The following MECOM variants were observed in gnomAD, a reference collection of about 807,000 sequenced individuals.
MECOM encodes MDS1 and EVI1 complex locus.
A neutral mutation model predicts 116.3 loss-of-function variants in MECOM; 13 were observed. The observed-to-expected ratio is 0.11, with a 90% CI of 0.07 to 0.18. The LOEUF is 0.18. Among genes scored for constraint, MECOM ranks in the 10% least tolerant of loss-of-function variants. The pLI is 1.00. For missense variants in MECOM, 1,299 were observed against 1,509.0 expected (o/e 0.86, Z 2.31); for synonymous variants, 528 against 535.2 (o/e 0.99, Z 0.19).
At chr3:169,359,334 CAG>C (rs927502450) in intron 2 of MECOM, among the ~76,000 whole-genome samples, 2 of 151,766 alleles carry the variant, frequency 1.3e-5, no homozygotes, top group Non-Finnish European at 2.9e-5. Flanking sequence ...AGATTCATAA[CAG>C]ATCTGTGGAG....
At chr3:169,434,080 A>G (rs566301483) in intron 1 of MECOM, among the ~76,000 whole-genome samples, 1 of 152,296 alleles carries the variant, frequency 6.6e-6, no homozygotes, top group Middle Eastern at 3.4e-3. Flanking sequence ...TATTTTTCAA[A>G]TTTAGTTTAT....
chr3:169,315,964 T>G (rs1719671902), intron 2 of MECOM, among the ~76,000 whole-genome samples: 1 of 152,216 alleles, frequency 6.6e-6, no homozygotes, highest in African/African-American at 2.4e-5. Flanking sequence ...ATAAAGTTAT[T>G]TGTTCTTTGG....
rs939648405 is a variant in MECOM at position 169,376,348 on chromosome 3, G to A, written c.375+4839C>T. On this transcript the variant is annotated intron_variant, in intron 2 of 16. Transcript: ENST00000651503. ...AGCCAGGGCAATCAGGCAAGAGAAA[G>A]AAATAAAGAGTATTCAAATAAGAAG... Among the ~76,000 whole-genome samples the A allele has an allele frequency of 7.9e-5, 12 of 152,260 alleles. No individual in the cohort carries two copies. In the East Asian group the frequency reaches 2.3e-3, roughly 29 times the overall value.
At chr3:169,469,122 A>T (rs1453423553) in intron 1 of MECOM, among the ~76,000 whole-genome samples, 1 of 152,326 alleles carries the variant, frequency 6.6e-6, no homozygotes, top group Non-Finnish European at 1.5e-5. Flanking sequence ...GAGCCAGATT[A>T]TAACAGAAGT....
chr3:169,149,119 G>C (rs1740693232), intron 2 of MECOM, among the ~76,000 whole-genome samples: 1 of 148,154 alleles, frequency 6.7e-6, no homozygotes, highest in Non-Finnish European at 1.5e-5. Context: ...AAATTGGACC[G>C]GCTCGAGCTA....
chr3:169,224,478 A>C (rs1049434090), intron 2 of MECOM, among the ~76,000 whole-genome samples: 2 of 152,036 alleles, frequency 1.3e-5, no homozygotes, highest in Non-Finnish European at 2.9e-5. Context: ...CAGCCCCAAC[A>C]CTTTCCCAGG....
intron 1 of MECOM, among the ~76,000 whole-genome samples, chr3:169,504,203 T>C (rs1047374194): frequency 7.9e-6 from 1 of 127,038 alleles, no homozygotes; most frequent in Non-Finnish European, 1.7e-5. Flanking sequence ...TTAAATTAAA[T>C]GGCTGCACAA....
intron 2 of MECOM, among the ~76,000 whole-genome samples, chr3:169,164,002 A>C (rs1004411904): frequency 2.0e-5 from 3 of 152,198 alleles, no homozygotes; most frequent in Non-Finnish European, 4.4e-5. Context: ...GCTCAATCTT[A>C]ATCAAAGTAA....
chr3:169,253,391 C>T (rs1394325012), intron 2 of MECOM, among the ~76,000 whole-genome samples: 1 of 144,736 alleles, frequency 6.9e-6, no homozygotes. Context: ...CTGTTTAGTT[C>T]TTTTTTTTTT....
At chr3:169,558,307 A>G (rs950866926) in intron 1 of MECOM, among the ~76,000 whole-genome samples, 1 of 152,222 alleles carries the variant, frequency 6.6e-6, no homozygotes, top group African/African-American at 2.4e-5. Flanking sequence ...TGAATGGCCC[A>G]CTGCTTTCAA....
chr3:169,310,179 C>T (rs770310711), intron 2 of MECOM, among the ~76,000 whole-genome samples: 3 of 152,066 alleles, frequency 2.0e-5, no homozygotes, highest in Non-Finnish European at 4.4e-5. Context: ...ACATTTTTTC[C>T]CAATTAGAAA....
chr3:169,319,888 C>G (rs1720551588), intron 2 of MECOM, among the ~76,000 whole-genome samples: 1 of 152,146 alleles, frequency 6.6e-6, no homozygotes, highest in Non-Finnish European at 1.5e-5. Context: ...AGATGAGAGT[C>G]AAGAAATATT....
chr3:169,449,694 C>A (rs1006546593), intron 1 of MECOM, among the ~76,000 whole-genome samples: 1 of 152,088 alleles, frequency 6.6e-6, no homozygotes, highest in African/African-American at 2.4e-5. Flanking sequence ...TGTTGAATAT[C>A]CCATTATCCA....
chr3:169,638,439 G>T (rs960960474), intron 1 of MECOM, among the ~76,000 whole-genome samples: 2 of 152,080 alleles, frequency 1.3e-5, no homozygotes, highest in East Asian at 3.8e-4. Flanking sequence ...CATGCACCAT[G>T]ACCCTGAGAA....
intron 1 of MECOM, among the ~76,000 whole-genome samples, chr3:169,605,250 A>G (rs768749177): frequency 3.3e-5 from 5 of 152,352 alleles, no homozygotes; most frequent in East Asian, 1.9e-4. Context: ...GGACAGAACA[A>G]GTTTAGATCC....
At chr3:169,533,803 G>T (rs928466129) in intron 1 of MECOM, among the ~76,000 whole-genome samples, 1 of 151,914 alleles carries the variant, frequency 6.6e-6, no homozygotes, top group Non-Finnish European at 1.5e-5. Flanking sequence ...CTTACTGAAG[G>T]CTCCTCTCTC....
At chr3:169,409,496 T>C (rs983990573) in intron 1 of MECOM, among the ~76,000 whole-genome samples, 4 of 152,302 alleles carry the variant, frequency 2.6e-5, no homozygotes, top group Non-Finnish European at 5.9e-5. Flanking sequence ...CCTCAACCTA[T>C]CTAGCCCCAA....
intron 8 of MECOM, among the ~76,000 whole-genome samples, chr3:169,114,374 C>T (rs988921139): frequency 2.7e-4 from 41 of 152,152 alleles, no homozygotes; most frequent in Admixed American, 7.2e-4. Flanking sequence ...TCCTTGTTAA[C>T]GCATTATAGA....
At chr3:169,143,215 T>C (rs1049705176) in intron 3 of MECOM, among the ~76,000 whole-genome samples, 1 of 152,056 alleles carries the variant, frequency 6.6e-6, no homozygotes, top group Admixed American at 6.6e-5. Flanking sequence ...GTAAGTGTTC[T>C]CATTTATAAT....
Sources: gnomAD v4.1 joint callset for allele counts (sites outside exome capture counted in the v4.1 genomes callset) on GRCh38, gnomAD v4.1.1 for gene constraint, MANE v1.5 for transcripts, NCBI Gene and HGNC (gene_info 2026-07-23, HGNC 2026-07-21) for gene names.